BBS1: variants seen among roughly 807,000 people sequenced by gnomAD.
BBS1 encodes BBSome complex member BBS1.
Under a neutral mutation model 73.9 loss-of-function variants are expected in BBS1, and 60 were observed. That is an observed-to-expected ratio of 0.81 (90% CI 0.66 to 1.01). BBS1 has a LOEUF of 1.01. BBS1 is among the 50% of genes least tolerant of loss of function. BBS1 has a pLI of 0.00. For missense variants in BBS1, 718 were observed against 770.3 expected (o/e 0.93, Z 0.80); for synonymous variants, 283 against 317.4 (o/e 0.89, Z 1.15).
chr11:66,531,921 C>G (rs1461570922), intron 16 of BBS1, 30 bp from the exon 17 acceptor site: 2 of 1,568,346 alleles, frequency 1.3e-6, no homozygotes, highest in Admixed American at 3.8e-5. Context: ...GGGGTGTATG[C>G]CCCCTGCTGC....
At chr11:66,523,922 G>A (rs1360992787) in intron 11 of BBS1, 40 bp downstream of exon 11, 2 of 1,609,682 alleles carry the variant, frequency 1.2e-6, no homozygotes, top group African/African-American at 2.7e-5. Flanking sequence ...ACTCCTCCTT[G>A]CCCTCGTCTC....
chr11:66,519,155 C>T (rs1007295546), intron 7 of BBS1, among the ~76,000 whole-genome samples: 6 of 152,096 alleles, frequency 3.9e-5, no homozygotes, highest in Non-Finnish European at 7.4e-5. Context: ...GGGGCTGAGG[C>T]GGGTGGATCA....
In BBS1 at chr11:66,516,345, C is replaced by A. The variant is rs952724847; in HGVS notation, c.591+412C>A. Among the ~76,000 whole-genome samples the A allele has an allele frequency of 6.6e-5, 10 of 152,028 alleles. No homozygotes were observed. In the South Asian group the frequency reaches 2.1e-3, roughly 32 times the overall value. ...TTCACCATGTTGTCCAGGCTGGTCT[C>A]GAACTCCTGACCTCAGGTGATCCGC... is the stretch of plus-strand genomic sequence containing the variant. On this transcript the variant is annotated intron_variant, in intron 7 of 16. Transcript: ENST00000318312.
Position 66,529,934 on chromosome 11 carries a change from A to T in BBS1, c.1455A>T (p.Pro485=). Residue 485 remains proline (P), a synonymous_variant, in exon 14 of 17, where the codon CCA becomes CCT. Coordinates refer to ENST00000318312, the MANE Select transcript of BBS1 (RefSeq NM_024649.5). ...LSPLSTTARE[P]LKLHAVVQGL... ...CCCTGTCCACGACAGCCCGAGAGCC[A>T]CTCAAGCTGCACGCCGTGGTGAGCA... 6.2e-7 allele frequency: 1 copy of T among 1,604,178 alleles called. No individual in the cohort carries two copies. The highest frequency in any genetic ancestry group is 8.5e-7 in the Non-Finnish European group (1 of 1,179,542).
chr11:66,525,177 G>C (rs987372250), intron 11 of BBS1, among the ~76,000 whole-genome samples: 1 of 149,154 alleles, frequency 6.7e-6, no homozygotes, highest in African/African-American at 2.5e-5. Flanking sequence ...TCCAGCCTGG[G>C]TGACAGAGCG....
At chr11:66,522,093 T>C (rs1460249133) in intron 9 of BBS1, among the ~76,000 whole-genome samples, 3 of 150,354 alleles carry the variant, frequency 2.0e-5, no homozygotes, top group Admixed American at 2.0e-4. Context: ...GGTGGGCGCC[T>C]GTAGTCCCAG....
intron 7 of BBS1, among the ~76,000 whole-genome samples, chr11:66,518,574 T>C (rs1856107287): frequency 2.0e-5 from 3 of 151,804 alleles, no homozygotes; most frequent in Admixed American, 2.0e-4. Flanking sequence ...CCAGCGATTC[T>C]CCTGCCTCAG....
intron 13 of BBS1, chr11:66,529,181 G>T: frequency 7.5e-7 from 1 of 1,327,458 alleles, no homozygotes; most frequent in Non-Finnish European, 1.0e-6. Context: ...GAAGAGGAGG[G>T]ACAGTGGGGT....
intron 16 of BBS1, 94 bp downstream of exon 16, chr11:66,531,836 G>T: frequency 3.1e-6 from 5 of 1,607,334 alleles, no homozygotes; most frequent in Non-Finnish European, 4.2e-6. Context: ...GGGCTCCTGG[G>T]TGGGGGTGGG....
rs1161260910 is a variant in BBS1 at position 66,517,492 on chromosome 11, A to G, written c.591+1559A>G. ...TCCTTTTTTTTTTTTTTTTGGAGAC[A>G]GAGTCTGGCTCTGTCGCCAGGCTGG... On this transcript the variant is annotated intron_variant, in intron 7 of 16. Coordinates refer to ENST00000318312, the MANE Select transcript of BBS1 (RefSeq NM_024649.5). Among the ~76,000 whole-genome samples the G allele has an allele frequency of 4.8e-5, 7 of 146,750 alleles. No individual in the cohort carries two copies. The East Asian group carries it at 1.0e-3, about 21-fold the overall frequency.
chr11:66,531,751 C>T lies in BBS1; in HGVS notation c.1695+9C>T, dbSNP rs756514477. The T allele has an allele frequency of 2.5e-5, 41 of 1,613,836 alleles. No individual in the cohort carries two copies. In the East Asian group the frequency reaches 3.6e-4, roughly 14 times the overall value. On this transcript the variant is annotated intron_variant, in intron 16 of 16. Transcript: ENST00000318312. ...TCTCAGACATCATCAAGGTAGGCCCCGCACTTGTACCACGTGGAAGGTGAG... is the reference window on the plus strand; with the variant it reads ...TCTCAGACATCATCAAGGTAGGCCCTGCACTTGTACCACGTGGAAGGTGAG...
chr11:66,516,374 C>G (rs1410079565), intron 7 of BBS1, among the ~76,000 whole-genome samples: 1 of 152,148 alleles, frequency 6.6e-6, no homozygotes, highest in East Asian at 1.9e-4. Flanking sequence ...GATCCGCCTA[C>G]CTTGACCTCC....
At chr11:66,518,858 A>G (rs1282264875) in intron 7 of BBS1, among the ~76,000 whole-genome samples, 1 of 151,708 alleles carries the variant, frequency 6.6e-6, no homozygotes, top group Non-Finnish European at 1.5e-5. Flanking sequence ...CCTGGGATCA[A>G]GGGATCCTCC....
intron 9 of BBS1, among the ~76,000 whole-genome samples, chr11:66,522,367 TCA>T (rs1201488534): frequency 1.1e-4 from 16 of 149,852 alleles, no homozygotes; most frequent in Admixed American, 9.3e-4. Flanking sequence ...TGAGACAGAG[TCA>T]CAGAGTCTCA....
intron 8 of BBS1, chr11:66,520,606 C>T: frequency 6.4e-6 from 1 of 157,226 alleles, no homozygotes; most frequent in Admixed American, 6.0e-5. Flanking sequence ...TTTTTAAAGA[C>T]CACGCAATAT....
rs1590754166 is a variant in BBS1, at chr11:66,511,218, A to G, written c.138A>G (p.Leu46=). 45 of 1,613,982 alleles carry G rather than the reference A, an allele frequency of 2.8e-5. No individual in the cohort carries two copies. Among genetic ancestry groups the G allele is most frequent in the Non-Finnish European group, 3.8e-5 (45 of 1,180,026 alleles). Residue 46 remains leucine (L), a synonymous_variant, in exon 3 of 17, where the codon TTA becomes TTG. Transcript: ENST00000318312. ...TFSACLALAD[L]HGDGEYKLVV... ...TTTGTTTTCCAGCGCTGGCAGATTTACATGGGGATGGGGAATACAAGGTAA... is the reference window on the plus strand; with the variant it reads ...TTTGTTTTCCAGCGCTGGCAGATTTGCATGGGGATGGGGAATACAAGGTAA...
At chr11:66,529,248 G>A (rs1856656776) in intron 13 of BBS1, 6 of 1,516,096 alleles carry the variant, frequency 4.0e-6, no homozygotes, top group South Asian at 1.2e-5. Context: ...TCCTGCAAAC[G>A]GTGAGATGTG....
rs1565290514 is a variant in BBS1 at position 66,530,940 on chromosome 11, A to G, written c.1520A>G (p.Asn507Ser). Residue 507 changes from asparagine to serine, a missense_variant, in exon 15 of 17, where the codon AAC becomes AGC. Physicochemically the swap from Asn to Ser is conservative, Grantham distance 46 (BLOSUM62 1). Coordinates refer to ENST00000318312, the MANE Select transcript of BBS1 (RefSeq NM_024649.5). Reference protein sequence around the residue: ...PTFKLTLHLQNTSTTRPVLGL... With the variant: ...PTFKLTLHLQSTSTTRPVLGL... ...TTTAAGCTCACACTTCACCTGCAGA[A>G]CACCTCAACAACCCGTCCTGTCCTG... 1 of 1,614,066 alleles carries G rather than the reference A, an allele frequency of 6.2e-7. No individual in the cohort carries two copies. Among genetic ancestry groups the G allele is most frequent in the Non-Finnish European group, 8.5e-7 (1 of 1,180,042 alleles).
rs574584475 is a variant in BBS1 at position 66,524,034 on chromosome 11, C to A, written c.1110+152C>A. ...GTGGCTCATGCCTGTAATCCCAGCA[C>A]TTTGGGAGGCCAAGGTGGGCAGATC... is the stretch of plus-strand genomic sequence containing the variant. On this transcript the variant is annotated intron_variant, in intron 11 of 16. Coordinates refer to ENST00000318312, the MANE Select transcript of BBS1 (RefSeq NM_024649.5). 4.8e-5 allele frequency: 55 copies of A among 1,151,454 alleles called. No homozygotes were observed. In the Admixed American group the frequency reaches 9.5e-4, roughly 20 times the overall value. 71.3% of individuals were successfully genotyped at this position (1,151,454 alleles called of 1,614,324 possible).
Sources: gnomAD v4.1 joint callset for allele counts (sites outside exome capture counted in the v4.1 genomes callset) on GRCh38, gnomAD v4.1.1 for gene constraint, MANE v1.5 for transcripts, NCBI Gene and HGNC (gene_info 2026-07-23, HGNC 2026-07-21) for gene names.